Variants in DNAI1 observed in about 807,000 individuals in gnomAD.
DNAI1 encodes the protein dynein, axonemal, intermediate polypeptide 1.
A neutral mutation model predicts 92.0 loss-of-function variants in DNAI1; 67 were observed. The ratio of observed to expected loss-of-function variants is 0.73; its 90% CI spans 0.60 to 0.89. The LOEUF (loss-of-function observed/expected upper bound fraction) is 0.89, where lower values mean the gene tolerates loss of function less well. DNAI1 is among the 40% of genes least tolerant of loss of function. The pLI is 0.00. For missense variants in DNAI1, 839 were observed against 866.6 expected, an observed-to-expected ratio of 0.97 and a Z score of 0.40; for synonymous variants, 323 against 319.6, an observed-to-expected ratio of 1.01 and a Z score of -0.11.
chr9:34,502,202 G>A (rs1489961393), intron 12 of DNAI1, among the ~76,000 whole-genome samples: 1 of 152,198 alleles, frequency 6.6e-6, no homozygotes, highest in Admixed American at 6.5e-5. Context: ...TCAGGGAGGA[G>A]ACCTTGGAGC....
chr9:34,474,405 T>G (rs1458652314), intron 1 of DNAI1, among the ~76,000 whole-genome samples: 1 of 151,600 alleles, frequency 6.6e-6, no homozygotes, highest in Non-Finnish European at 1.5e-5. Flanking sequence ...TGGCTAATTT[T>G]GTTTATTTTT....
intron 18 of DNAI1, among the ~76,000 whole-genome samples, chr9:34,515,387 G>C (rs1293573462): frequency 6.6e-6 from 1 of 152,214 alleles, no homozygotes; most frequent in East Asian, 1.9e-4. Context: ...GCCAACGATG[G>C]TGCCCAGCTC....
chr9:34,470,652 TATTC>T (rs1824118821), intron 1 of DNAI1, among the ~76,000 whole-genome samples: 1 of 152,222 alleles, frequency 6.6e-6, no homozygotes, highest in Non-Finnish European at 1.5e-5. Flanking sequence ...GAAGTAGAAA[TATTC>T]ATAATGATAA....
chr9:34,480,380 C>T (rs549243706), intron 1 of DNAI1, among the ~76,000 whole-genome samples: 6 of 144,898 alleles, frequency 4.1e-5, no homozygotes, highest in Non-Finnish European at 7.4e-5. Flanking sequence ...TGGGTTCAAG[C>T]GATTTTCTTG....
At chr9:34,480,035 C>G (rs1368421381) in intron 1 of DNAI1, among the ~76,000 whole-genome samples, 1 of 152,182 alleles carries the variant, frequency 6.6e-6, no homozygotes, top group Non-Finnish European at 1.5e-5. Flanking sequence ...GCCCCAAGAT[C>G]ACACAAGTGG....
At chr9:34,492,493 GATATATATATATATATAT>G (rs752863173) in intron 8 of DNAI1, among the ~76,000 whole-genome samples, 2,610 of 68,268 alleles carry the variant, frequency 0.038, 220 homozygotes, top group Non-Finnish European at 0.052. Flanking sequence ...GGGATATGAA[GATATATATATATATATAT>G]ATATATATAT....
At position 34,514,380 on chromosome 9, in the gene DNAI1, C is replaced by G; in HGVS notation, c.1570-14C>G. ...CTTTCTCTCACTTCTGACCCCCGTT[C>G]CCTCCCCGACCAGTGCTCTAAATCC... On this transcript the variant is annotated splice_polypyrimidine_tract_variant and intron_variant, in intron 16 of 19. Coordinates refer to ENST00000242317, the MANE Select transcript of DNAI1 (RefSeq NM_012144.4). 6.2e-7 allele frequency: 1 copy of G among 1,613,344 alleles called. No homozygotes were observed. The highest frequency in any genetic ancestry group is 8.5e-7 in the Non-Finnish European group (1 of 1,180,028).
chr9:34,509,487 G>T (rs1825021399), intron 13 of DNAI1, among the ~76,000 whole-genome samples: 1 of 152,142 alleles, frequency 6.6e-6, no homozygotes, highest in South Asian at 2.1e-4. Flanking sequence ...TGAGAGTGGT[G>T]CTCTGTTAGG....
chr9:34,468,903 A>G (rs1322392110), intron 1 of DNAI1, among the ~76,000 whole-genome samples: 4 of 152,028 alleles, frequency 2.6e-5, no homozygotes, highest in African/African-American at 9.7e-5. Context: ...TAATAATAAA[A>G]GAGAGGGCCT....
Position 34,458,949 on chromosome 9 carries a change from G to T in DNAI1, c.-57G>T. ...ATTTCTTGTGTGTGGTCAAGGAGAC[G>T]GACAAACTTTTTGTCTTCAGACGAG... On this transcript the variant is annotated 5_prime_UTR_variant, in exon 1 of 20. Transcript: ENST00000242317. This position sits in a 1 kb window ranked among gnomAD's most constrained non-coding sequence, Gnocchi z 6.6. 1 of 1,538,804 alleles carries T rather than the reference G, an allele frequency of 6.5e-7. No homozygotes were observed. Among genetic ancestry groups the T allele is most frequent in the East Asian group, 2.2e-5 (1 of 44,500 alleles).
At chr9:34,467,201 C>G (rs1215960869) in intron 1 of DNAI1, among the ~76,000 whole-genome samples, 2 of 152,176 alleles carry the variant, frequency 1.3e-5, no homozygotes, top group African/African-American at 4.8e-5. Flanking sequence ...TAGTCCAATG[C>G]TTTCATTCAG....
chr9:34,508,967 TTTC>T (rs1825002133), intron 13 of DNAI1, among the ~76,000 whole-genome samples: 2 of 152,194 alleles, frequency 1.3e-5, no homozygotes. Context: ...GTTCTCTTCT[TTTC>T]TTCTCATTCC....
intron 1 of DNAI1, among the ~76,000 whole-genome samples, chr9:34,464,723 T>C (rs1374684597): frequency 1.3e-5 from 2 of 152,210 alleles, no homozygotes; most frequent in African/African-American, 4.8e-5. Context: ...CTTATATCTG[T>C]ATTCTCAGCC....
chr9:34,492,507 T>TCTATATATATATCTATAGATATAG (rs1824626371), intron 8 of DNAI1, among the ~76,000 whole-genome samples: 26 of 59,546 alleles, frequency 4.4e-4, no homozygotes, highest in African/African-American at 1.3e-3. Flanking sequence ...TATATATATA[T>TCTATATATATATCTATAGATATAG]ATATATATAT....
At position 34,506,765 on chromosome 9, in the gene DNAI1, T is replaced by C. The variant is rs777301816; in HGVS notation, c.1202T>C (p.Val401Ala). 4.2e-5 allele frequency: 68 copies of C among 1,614,182 alleles called. No homozygotes were observed. Among genetic ancestry groups the C allele is most frequent in the Non-Finnish European group, 5.5e-5 (65 of 1,180,050 alleles). The change falls in exon 13 of 20, where the codon GTA (valine) becomes GCA (alanine). Residue 401 changes from valine to alanine, a missense_variant. Transcript: ENST00000242317. ...GTGGACCACCCCTACCTGGTGGCAGTAGGCCACTATGACGGCAACGTGGCC... is the reference window on the plus strand; with the variant it reads ...GTGGACCACCCCTACCTGGTGGCAGCAGGCCACTATGACGGCAACGTGGCC... ...IHVDHPYLVAVGHYDGNVAIY... is the reference protein window; with the variant it reads ...IHVDHPYLVAAGHYDGNVAIY...
Position 34,514,676 on chromosome 9 carries a change from G to A in DNAI1, c.1755G>A (p.Val585=). ...TCATCTATGACCTGAACTCAGCCGTGGGTGATGTGGCCTGGGCGCCATACT... is the reference window on the plus strand; with the variant it reads ...TCATCTATGACCTGAACTCAGCCGTAGGTGATGTGGCCTGGGCGCCATACT... ...PMFIYDLNSA[V]GDVAWAPYSS... is the part of the protein sequence containing the mutation. The change falls in exon 18 of 20, where the codon GTG becomes GTA. Residue 585 remains valine, a synonymous_variant. Coordinates refer to ENST00000242317, the MANE Select transcript of DNAI1 (RefSeq NM_012144.4). 1 of 1,614,196 alleles carries A rather than the reference G, an allele frequency of 6.2e-7. No homozygotes were observed. The highest frequency in any genetic ancestry group is 8.5e-7 in the Non-Finnish European group (1 of 1,180,042).
At chr9:34,493,877 C>A (rs1271212989) in intron 9 of DNAI1, among the ~76,000 whole-genome samples, 1 of 152,076 alleles carries the variant, frequency 6.6e-6, no homozygotes, top group Admixed American at 6.6e-5. Flanking sequence ...ATGTAGAAGT[C>A]ATTATAAAGG....
chr9:34,490,811 AG>A (rs1824575704), intron 7 of DNAI1, among the ~76,000 whole-genome samples: 1 of 152,296 alleles, frequency 6.6e-6, no homozygotes, highest in Middle Eastern at 3.4e-3. Flanking sequence ...AGGGAACAGG[AG>A]GCCTAGGAGC....
Position 34,520,803 on chromosome 9 carries a change from A to T in DNAI1, c.*47A>T. The T allele has an allele frequency of 6.5e-7, 1 of 1,537,250 alleles. No homozygotes were observed. The highest frequency in any genetic ancestry group is 1.4e-5 in the African/African-American group (1 of 72,810). On this transcript the variant is annotated 3_prime_UTR_variant, in exon 20 of 20. Coordinates refer to ENST00000242317, the MANE Select transcript of DNAI1 (RefSeq NM_012144.4). The stretch of plus-strand genomic sequence containing the variant: ...CCCATCGCTTGAATACAGTACTCCT[A>T]GGGCTTGACCCTGGTACCCAGCCCA...
Sources: allele counts gnomAD v4.1 joint callset (sites outside exome capture counted in the v4.1 genomes callset), GRCh38; gene constraint gnomAD v4.1.1; non-coding constraint Gnocchi (gnomAD v3.1); transcripts MANE v1.5; gene names NCBI Gene and HGNC (gene_info 2026-07-23, HGNC 2026-07-21).